The following POLR2C variants were observed in gnomAD, a reference collection of about 807,000 sequenced individuals.
POLR2C encodes DNA-directed RNA polymerase II subunit RPB3.
A neutral mutation model predicts 41.7 loss-of-function variants in POLR2C; 36 were observed. The ratio of observed to expected loss-of-function variants is 0.86; its 90% CI spans 0.66 to 1.14. POLR2C has a LOEUF of 1.14. Ranked by LOEUF, POLR2C falls within the 50% of genes most tolerant of loss-of-function variation. The pLI, the probability that POLR2C is intolerant of heterozygous loss-of-function variation, is 0.00. For missense variants in POLR2C, 260 were observed against 350.4 expected (o/e 0.74, Z 2.06); for synonymous variants, 133 against 137.8 (o/e 0.96, Z 0.25).
intron 7 of POLR2C, 55 bp from the exon 8 acceptor site, chr16:57,470,225 T>G (rs2030797727): frequency 1.3e-6 from 2 of 1,597,018 alleles, no homozygotes; most frequent in African/African-American, 2.7e-5. Flanking sequence ...TCTAGGAACT[T>G]GGGTGCCCCA....
At chr16:57,466,136 TG>T (rs1208710842) in intron 3 of POLR2C, 38 bp from the exon 4 acceptor site, 2 of 1,547,996 alleles carry the variant, frequency 1.3e-6, no homozygotes, top group East Asian at 2.2e-5. Context: ...TTGGCTTGGC[TG>T]TTTGGTTTTC....
At position 57,471,545 on chromosome 16, in the gene POLR2C, A is replaced by G. The variant is rs2030839899; in HGVS notation, c.*426A>G. On this transcript the variant is annotated 3_prime_UTR_variant, in exon 9 of 9. Coordinates refer to ENST00000219252, the MANE Select transcript of POLR2C (RefSeq NM_032940.3). ...TAGCCTTTATTCAGGGGGCCTATAAACCCTTCCAGTTCTTGCCCCAGGGCT... is the reference window on the plus strand; with the variant it reads ...TAGCCTTTATTCAGGGGGCCTATAAGCCCTTCCAGTTCTTGCCCCAGGGCT... 1 of 158,032 alleles carries G rather than the reference A, an allele frequency of 6.3e-6. No homozygotes were observed. Among genetic ancestry groups the G allele is most frequent in the African/African-American group, 2.4e-5 (1 of 41,564 alleles). 9.8% of individuals were successfully genotyped at this position (158,032 alleles called of 1,614,324 possible).
chr16:57,465,552 C>T (rs562442930), intron 2 of POLR2C, among the ~76,000 whole-genome samples: 17 of 152,176 alleles, frequency 1.1e-4, no homozygotes, highest in Non-Finnish European at 2.1e-4. Flanking sequence ...GGTATGGCCC[C>T]ATAAGTCTGT....
chr16:57,466,385 C>G (rs1178253061), intron 4 of POLR2C, among the ~76,000 whole-genome samples, 158 bp downstream of exon 4: 9 of 152,136 alleles, frequency 5.9e-5, no homozygotes, highest in African/African-American at 2.2e-4. Context: ...CTTGGTCCTG[C>G]GTTCTGATGG....
rs2030786429 is a variant in POLR2C, at chr16:57,469,871, A to G, written c.440-90A>G. Reference sequence around the variant, plus strand: ...AATTGGCTTTAGACCGTTTTTCCAGATGTGTGTGGTCTTGCAGTGGCACTC... The same window carrying G: ...AATTGGCTTTAGACCGTTTTTCCAGGTGTGTGTGGTCTTGCAGTGGCACTC... On this transcript the variant is annotated intron_variant, in intron 6 of 8. Transcript: ENST00000219252. This position sits in a 1 kb window ranked among gnomAD's most constrained non-coding sequence, Gnocchi z 5.8. 1.3e-6 allele frequency: 2 copies of G among 1,577,694 alleles called. No individual in the cohort carries two copies. The highest frequency in any genetic ancestry group is 2.2e-5 in the East Asian group (1 of 44,678).
chr16:57,463,143 T>A (rs1310056340), intron 2 of POLR2C, 65 bp downstream of exon 2: 3 of 1,235,080 alleles, frequency 2.4e-6, no homozygotes, highest in Non-Finnish European at 3.6e-6. Flanking sequence ...ACCCACACAC[T>A]CTTTGGGGCT....
At chr16:57,465,201 G>A (rs1463537031) in intron 2 of POLR2C, among the ~76,000 whole-genome samples, 1 of 152,182 alleles carries the variant, frequency 6.6e-6, no homozygotes, top group Non-Finnish European at 1.5e-5. Flanking sequence ...GCAATGGGAA[G>A]CATAGCAGGA....
In POLR2C at chr16:57,470,319, G is replaced by A. The variant is rs1445325232; in HGVS notation, c.648G>A (p.Ser216=). Residue 216 remains serine (S), a synonymous_variant, in exon 8 of 9, where the codon TCG becomes TCA. Coordinates refer to ENST00000219252, the MANE Select transcript of POLR2C (RefSeq NM_032940.3). ...ACTCGGAGCTGGATGAGGATGAGTC[G>A]CAGGCTCCCTATGACCCCAACGGCA... The part of the protein sequence containing the change: ...SEYSELDEDE[S]QAPYDPNGKP... 8.1e-6 allele frequency: 13 copies of A among 1,611,992 alleles called. No individual in the cohort carries two copies. The highest frequency in any genetic ancestry group is 3.3e-5 in the South Asian group (3 of 90,682).
In POLR2C at chr16:57,467,520, GTCTC is replaced by G. The variant is rs151133791; in HGVS notation, c.258+1305_258+1308del. Reference sequence around the variant, plus strand: ...TTATTGCACAAAGATGGCATGGTCTGTCTCTCTCTCTCTCTGGCTTTTTCTGAAA... The same window carrying G: ...TTATTGCACAAAGATGGCATGGTCTGTCTCTCTCTCTGGCTTTTTCTGAAA... On this transcript the variant is annotated intron_variant, in intron 4 of 8. Coordinates refer to ENST00000219252, the MANE Select transcript of POLR2C (RefSeq NM_032940.3). Among the ~76,000 whole-genome samples the G allele has an allele frequency of 8.2e-3, 1,245 of 151,258 alleles. 8 individuals carry two copies. The highest frequency in any genetic ancestry group is 0.011 in the Non-Finnish European group (775 of 67,700).
Position 57,469,098 on chromosome 16 carries a change from A to G in POLR2C, c.259-67A>G. The G allele has an allele frequency of 6.4e-7, 1 of 1,552,780 alleles. No individual in the cohort carries two copies. The highest frequency in any genetic ancestry group is 8.8e-7 in the Non-Finnish European group (1 of 1,134,806). On this transcript the variant is annotated intron_variant, in intron 4 of 8. Transcript: ENST00000219252. The surrounding 1 kb of genome is among the most constrained non-coding windows in gnomAD (Gnocchi z 5.8). ...ACTGGGCATTAGATGCAGGAAGCCA[A>G]GACAAGGAGCCAAGGCAGGAGTTGC...
chr16:57,466,694 C>G (rs1190548803), intron 4 of POLR2C, among the ~76,000 whole-genome samples: 1 of 152,160 alleles, frequency 6.6e-6, no homozygotes, highest in Non-Finnish European at 1.5e-5. Context: ...TGTCTCACCC[C>G]CTTCCTCCTG....
At position 57,471,760 on chromosome 16, in the gene POLR2C, G is replaced by GGTGGGGGTGGAA. The variant is rs2030854537; in HGVS notation, c.*645_*646insGGGTGGAAGTGG. The GGTGGGGGTGGAA allele has an allele frequency of 6.9e-6, 1 of 145,812 alleles. No individual in the cohort carries two copies. Among genetic ancestry groups the GGTGGGGGTGGAA allele is most frequent in the South Asian group, 2.3e-4 (1 of 4,348 alleles). The allele number at this position is 145,812 out of a possible 1,614,324, so 9.0% of individuals were successfully genotyped here. On this transcript the variant is annotated 3_prime_UTR_variant, in exon 9 of 9. Coordinates refer to ENST00000219252, the MANE Select transcript of POLR2C (RefSeq NM_032940.3). ...TGGTGGGGGTGGGGGTGGGGGTGGG[G>GGTGGGGGTGGAA]GTGGAAGCAGCCGCAGGAGCAAGGG...
rs753018089 is a variant in POLR2C, at chr16:57,469,949, C to T, written c.440-12C>T. On this transcript the variant is annotated splice_polypyrimidine_tract_variant and intron_variant, in intron 6 of 8. Transcript: ENST00000219252. This position sits in a 1 kb window ranked among gnomAD's most constrained non-coding sequence, Gnocchi z 5.8. Reference sequence around the variant, plus strand: ...CTCCTGGCCCTTGACTGACTTGTGCCTCTCCCTGCAGACATCCTCATCGTC... The same window carrying T: ...CTCCTGGCCCTTGACTGACTTGTGCTTCTCCCTGCAGACATCCTCATCGTC... 9 of 1,610,294 alleles carry T rather than the reference C, an allele frequency of 5.6e-6. No individual in the cohort carries two copies. In the South Asian group the frequency reaches 8.8e-5, roughly 16 times the overall value.
rs552164133 is a variant in POLR2C, at chr16:57,462,712, G to A, written c.-13G>A. ...CGCGGAGCAGACGCGGAGGCTGGTGGCCCCTGGGCGAGATGCCGTACGCCA... is the reference window on the plus strand; with the variant it reads ...CGCGGAGCAGACGCGGAGGCTGGTGACCCCTGGGCGAGATGCCGTACGCCA... On this transcript the variant is annotated 5_prime_UTR_variant, in exon 1 of 9. Coordinates refer to ENST00000219252, the MANE Select transcript of POLR2C (RefSeq NM_032940.3). 1.9e-6 allele frequency: 3 copies of A among 1,584,012 alleles called. No homozygotes were observed. The highest frequency in any genetic ancestry group is 2.6e-6 in the Non-Finnish European group (3 of 1,164,894).
At chr16:57,466,406 T>C (rs1309593964) in intron 4 of POLR2C, among the ~76,000 whole-genome samples, 179 bp downstream of exon 4, 3 of 152,196 alleles carry the variant, frequency 2.0e-5, no homozygotes, top group Non-Finnish European at 4.4e-5. Flanking sequence ...GGCTTCAGAT[T>C]GATTAGCACG....
Position 57,471,222 on chromosome 16 carries a change from T to G in POLR2C, c.*103T>G. On this transcript the variant is annotated 3_prime_UTR_variant, in exon 9 of 9. Transcript: ENST00000219252. ...CGTTTCTGAGAATCTAGTCTACTGTTGGTTGAGCTTCTTGGCAGGACATCA... is the reference window on the plus strand; with the variant it reads ...CGTTTCTGAGAATCTAGTCTACTGTGGGTTGAGCTTCTTGGCAGGACATCA... 3.0e-6 allele frequency: 3 copies of G among 1,009,048 alleles called. No individual in the cohort carries two copies. In the Admixed American group the frequency reaches 5.7e-5, roughly 19 times the overall value. The allele number at this position is 1,009,048 out of a possible 1,614,324, so 62.5% of individuals were successfully genotyped here.
chr16:57,468,731 T>A (rs537152914), intron 4 of POLR2C, among the ~76,000 whole-genome samples: 1 of 151,706 alleles, frequency 6.6e-6, no homozygotes, highest in South Asian at 2.1e-4. Flanking sequence ...AAGGTACTTT[T>A]TTCTGTTCCT....
rs762376270 is a variant in POLR2C, at chr16:57,469,133, T to C, written c.259-32T>C. On this transcript the variant is annotated intron_variant, in intron 4 of 8. Coordinates refer to ENST00000219252, the MANE Select transcript of POLR2C (RefSeq NM_032940.3). This position sits in a 1 kb window ranked among gnomAD's most constrained non-coding sequence, Gnocchi z 5.8. ...CCAAGGCAGGAGTTGCCATCTCCCT[T>C]TGACTCATTCCTGCTTCCCTTCCTG... The C allele has an allele frequency of 5.0e-6, 8 of 1,602,726 alleles. No individual in the cohort carries two copies. The highest frequency in any genetic ancestry group is 5.1e-6 in the Non-Finnish European group (6 of 1,172,358).
In POLR2C at chr16:57,471,750, T is replaced by TGGGGGC. The variant is rs2030853233; in HGVS notation, c.*636_*637insCGGGGG. ...TCATTTAGTTTGGTGGGGGTGGGGG[T>TGGGGGC]GGGGGTGGGGGTGGAAGCAGCCGCA... is the stretch of plus-strand genomic sequence containing the variant. On this transcript the variant is annotated 3_prime_UTR_variant, in exon 9 of 9. Transcript: ENST00000219252. The TGGGGGC allele has an allele frequency of 2.3e-4, 2 of 8,602 alleles. No individual in the cohort carries two copies. Among genetic ancestry groups the TGGGGGC allele is most frequent in the African/African-American group, 1.2e-3 (2 of 1,686 alleles). The allele number at this position is 8,602 out of a possible 1,614,324, so 0.5% of individuals were successfully genotyped here.
Sources: gnomAD v4.1 joint callset for allele counts (sites outside exome capture counted in the v4.1 genomes callset) on GRCh38, gnomAD v4.1.1 for gene constraint, Gnocchi (gnomAD v3.1) non-coding constraint, MANE v1.5 for transcripts, NCBI Gene and HGNC (gene_info 2026-07-23, HGNC 2026-07-21) for gene names.